NUMA1: variants seen among roughly 807,000 people sequenced by gnomAD.
NUMA1 encodes SP-H antigen.
A neutral mutation model predicts 237.1 loss-of-function variants in NUMA1; 62 were observed. The ratio of observed to expected loss-of-function variants is 0.26; its 90% CI spans 0.21 to 0.32. NUMA1 has a LOEUF of 0.32. NUMA1 is among the 10% of genes least tolerant of loss of function. The pLI, the probability that NUMA1 is intolerant of heterozygous loss-of-function variation, is 1.00. For missense variants in NUMA1, 2,533 were observed against 2,666.5 expected, an observed-to-expected ratio of 0.95 and a Z score of 1.10; for synonymous variants, 1,028 against 1,066.1, an observed-to-expected ratio of 0.96 and a Z score of 0.70.
At chr11:72,010,875 C>T in intron 16 of NUMA1, 21 bp from the exon 17 acceptor site, 1 of 1,610,020 alleles carries the variant, frequency 6.2e-7, no homozygotes. Flanking sequence ...AAGAGGAGGA[C>T]AGAAGACTCA....
intron 2 of NUMA1, among the ~76,000 whole-genome samples, chr11:72,040,118 A>G (rs1181455004): frequency 1.3e-5 from 2 of 152,196 alleles, no homozygotes; most frequent in Admixed American, 6.5e-5. Flanking sequence ...CGTCTGGTCC[A>G]AGTCCAAAGA....
chr11:72,034,126 A>G (rs1940700855), intron 3 of NUMA1, among the ~76,000 whole-genome samples: 1 of 152,154 alleles, frequency 6.6e-6, no homozygotes, highest in Non-Finnish European at 1.5e-5. Flanking sequence ...ATTTTTTAAA[A>G]AAAGAAAAAT....
At chr11:72,053,266 A>T (rs1194673310) in intron 2 of NUMA1, among the ~76,000 whole-genome samples, 1 of 152,216 alleles carries the variant, frequency 6.6e-6, no homozygotes, top group Admixed American at 6.5e-5. Flanking sequence ...GATAACAGGT[A>T]TGAGCCACTG....
chr11:72,058,474 C>T (rs1942780664), intron 2 of NUMA1, among the ~76,000 whole-genome samples: 1 of 152,176 alleles, frequency 6.6e-6, no homozygotes. Context: ...AAGGGATATC[C>T]ATAACGTGTT....
At chr11:72,034,902 G>T (rs966410341) in intron 3 of NUMA1, among the ~76,000 whole-genome samples, 1 of 151,992 alleles carries the variant, frequency 6.6e-6, no homozygotes, top group Non-Finnish European at 1.5e-5. Flanking sequence ...TGTCGCCCAC[G>T]CTGGAATGCA....
chr11:72,035,953 G>A lies in NUMA1; in HGVS notation c.-10C>T, dbSNP rs752235266. 2 of 1,613,702 alleles carry A rather than the reference G, an allele frequency of 1.2e-6. No homozygotes were observed. The highest frequency in any genetic ancestry group is 1.7e-6 in the Non-Finnish European group (2 of 1,179,660). On this transcript the variant is annotated 5_prime_UTR_variant, in exon 3 of 27. Coordinates refer to ENST00000393695, the MANE Select transcript of NUMA1 (RefSeq NM_006185.4). The stretch of plus-strand genomic sequence containing the variant: ...TGGCGTGGAGTGTCATCTTGGTGAT[G>A]CCAGACAGTCACTCCAATGCGCCTG...
At chr11:72,029,949 CTTA>C (rs1429197546) in intron 3 of NUMA1, among the ~76,000 whole-genome samples, 1 of 151,876 alleles carries the variant, frequency 6.6e-6, no homozygotes, top group Non-Finnish European at 1.5e-5. Context: ...GATATAAAAT[CTTA>C]TTAATACATT....
chr11:72,021,150 T>C (rs1214864556), intron 8 of NUMA1, 54 bp downstream of exon 8: 22 of 1,403,994 alleles, frequency 1.6e-5, no homozygotes, highest in Non-Finnish European at 2.2e-5. Context: ...CTCAGGATCC[T>C]AGTATTCCCC....
chr11:72,038,518 C>G (rs1941301691), intron 2 of NUMA1, among the ~76,000 whole-genome samples: 1 of 152,074 alleles, frequency 6.6e-6, no homozygotes, highest in African/African-American at 2.4e-5. Context: ...CAGCCATTCC[C>G]TCTTCTCTGG....
intron 2 of NUMA1, among the ~76,000 whole-genome samples, chr11:72,042,532 A>T (rs1941745402): frequency 6.6e-6 from 1 of 152,212 alleles, no homozygotes; most frequent in Non-Finnish European, 1.5e-5. Context: ...GCATTTCCCC[A>T]GATGGAAACA....
chr11:72,058,457 T>C (rs1942779700), intron 2 of NUMA1, among the ~76,000 whole-genome samples: 1 of 152,188 alleles, frequency 6.6e-6, no homozygotes, highest in Admixed American at 6.5e-5. Context: ...TACATAAAAG[T>C]CCATATAAGG....
chr11:72,015,406 C>G lies in NUMA1; in HGVS notation c.2097G>C (p.Gln699His). The change falls in exon 15 of 27, where the codon CAG becomes CAC. Residue 699 changes from glutamine (Q) to histidine (H), a missense_variant. Physicochemically the swap from Gln to His is conservative, Grantham distance 24. Coordinates refer to ENST00000393695, the MANE Select transcript of NUMA1 (RefSeq NM_006185.4). The surrounding 1 kb of genome is among the most constrained non-coding windows in gnomAD (Gnocchi z 4.0). Reference sequence around the variant, plus strand: ...TGAGGGCCTGGAGCTGCTCCTGGAGCTGGTCCTTCTCCTGGGCCACCCTTT... The same window carrying G: ...TGAGGGCCTGGAGCTGCTCCTGGAGGTGGTCCTTCTCCTGGGCCACCCTTT... ...EKERVAQEKD[Q>H]LQEQLQALKE... 6.2e-7 allele frequency: 1 copy of G among 1,611,972 alleles called. No individual in the cohort carries two copies. Among genetic ancestry groups the G allele is most frequent in the African/African-American group, 1.3e-5 (1 of 75,064 alleles).
intron 6 of NUMA1, among the ~76,000 whole-genome samples, chr11:72,022,752 T>A (rs568245011): frequency 1.3e-5 from 2 of 152,152 alleles, no homozygotes; most frequent in East Asian, 3.9e-4. Flanking sequence ...GACTGAGCTA[T>A]AATAAAAATA....
At chr11:72,008,311 C>T (rs1261319184) in intron 20 of NUMA1, 3 of 378,094 alleles carry the variant, frequency 7.9e-6, no homozygotes, top group African/African-American at 6.3e-5. Context: ...CTTTCAATTA[C>T]AGCCACCAAG....
intron 21 of NUMA1, 46 bp from the exon 22 acceptor site, chr11:72,006,309 G>A (rs1955693406): frequency 2.0e-6 from 3 of 1,534,832 alleles, no homozygotes; most frequent in South Asian, 1.1e-5. Flanking sequence ...CCCTGGCACT[G>A]TACAGAAGCT....
intron 3 of NUMA1, among the ~76,000 whole-genome samples, chr11:72,033,121 T>C (rs1940539991): frequency 6.6e-6 from 1 of 152,168 alleles, no homozygotes; most frequent in African/African-American, 2.4e-5. Context: ...TCCACAACTT[T>C]TGTTTAAATT....
intron 1 of NUMA1, among the ~76,000 whole-genome samples, chr11:72,079,092 A>G (rs1181013047): frequency 6.6e-6 from 1 of 152,242 alleles, no homozygotes; most frequent in Non-Finnish European, 1.5e-5. Flanking sequence ...TGAAAACGGG[A>G]AAGCGAAATT....
At chr11:72,005,973 TG>T in intron 22 of NUMA1, 61 bp downstream of exon 22, 1 of 1,349,396 alleles carries the variant, frequency 7.4e-7, no homozygotes, top group Non-Finnish European at 1.0e-6. Context: ...CTCTTTTCCC[TG>T]TGCCACGATC....
intron 1 of NUMA1, among the ~76,000 whole-genome samples, chr11:72,073,116 T>C (rs1447210773): frequency 7.0e-6 from 1 of 143,850 alleles, no homozygotes; most frequent in African/African-American, 2.6e-5. Flanking sequence ...CCTAGCACTT[T>C]GCGAGGCCGA....
Sources: allele counts gnomAD v4.1 joint callset (sites outside exome capture counted in the v4.1 genomes callset), GRCh38; gene constraint gnomAD v4.1.1; non-coding constraint Gnocchi (gnomAD v3.1); transcripts MANE v1.5; gene names NCBI Gene and HGNC (gene_info 2026-07-23, HGNC 2026-07-21).